Variants in EEFSEC observed in about 807,000 individuals in gnomAD.
EEFSEC encodes eukaryotic elongation factor, selenocysteine-tRNA specific.
In EEFSEC, 43 loss-of-function variants were observed where a neutral mutation model predicts 42.1. The observed-to-expected ratio is 1.02, with a 90% CI of 0.80 to 1.32. EEFSEC has a LOEUF of 1.32. Ranked by LOEUF, EEFSEC falls within the 40% of genes most tolerant of loss-of-function variation. The pLI is 0.00. For synonymous variants in EEFSEC, 354 were observed against 339.1 expected, an observed-to-expected ratio of 1.04 and a Z score of -0.48; for missense variants, 745 against 803.6, an observed-to-expected ratio of 0.93 and a Z score of 0.88.
At chr3:128,336,527 G>T (rs2108067523) in intron 4 of EEFSEC, among the ~76,000 whole-genome samples, 1 of 152,212 alleles carries the variant, frequency 6.6e-6, no homozygotes, top group East Asian at 1.9e-4. Flanking sequence ...TGCCTCCCTG[G>T]ACCACCGCAC....
At chr3:128,356,707 G>A (rs1338596959) in intron 5 of EEFSEC, among the ~76,000 whole-genome samples, 1 of 152,176 alleles carries the variant, frequency 6.6e-6, no homozygotes, top group East Asian at 1.9e-4. Context: ...TTTCCTGGAG[G>A]CATCAGTTTC....
chr3:128,355,667 A>G (rs1273272976), intron 5 of EEFSEC, among the ~76,000 whole-genome samples: 2 of 151,910 alleles, frequency 1.3e-5, no homozygotes, highest in Non-Finnish European at 2.9e-5. Context: ...TGTACCAACA[A>G]CTACAACCAT....
intron 4 of EEFSEC, among the ~76,000 whole-genome samples, chr3:128,339,383 A>T (rs2067225468): frequency 6.6e-6 from 1 of 152,194 alleles, no homozygotes; most frequent in Non-Finnish European, 1.5e-5. Context: ...CTTGCAACCT[A>T]AGTGTCAAAA....
chr3:128,358,670 G>A (rs1393768148), intron 6 of EEFSEC, among the ~76,000 whole-genome samples: 1 of 152,230 alleles, frequency 6.6e-6, no homozygotes, highest in Admixed American at 6.5e-5. Flanking sequence ...TGGTTTCTCT[G>A]TGGAGGCGGG....
intron 4 of EEFSEC, among the ~76,000 whole-genome samples, chr3:128,321,616 C>T (rs992480664): frequency 2.9e-4 from 44 of 152,250 alleles, no homozygotes; most frequent in African/African-American, 9.9e-4. Context: ...TCACTATGGG[C>T]GCCCGCCTGT....
chr3:128,206,715 T>C (rs1025303351), intron 1 of EEFSEC, among the ~76,000 whole-genome samples: 2 of 152,216 alleles, frequency 1.3e-5, no homozygotes, highest in Non-Finnish European at 2.9e-5. Context: ...GCTCAACATA[T>C]TATTTCGATC....
chr3:128,408,163 CGCCGAGCGGAGCGA>C lies in EEFSEC; in HGVS notation c.1699_1712del (p.Glu567LeufsTer30). 1 of 1,612,766 alleles carries C rather than the reference CGCCGAGCGGAGCGA, an allele frequency of 6.2e-7. No homozygotes were observed. The highest frequency in any genetic ancestry group is 8.5e-7 in the Non-Finnish European group (1 of 1,179,414). On this transcript the variant is annotated frameshift_variant, in exon 7 of 7. Coordinates refer to ENST00000254730, the MANE Select transcript of EEFSEC (RefSeq NM_021937.5). LOFTEE classifies it high-confidence loss of function. ...GGGAGGCCACCAGGCAGGAGGAGAG[CGCCGAGCGGAGCGA>C]GCCCTCACAGCATGTGGTGCTCAGC...
chr3:128,314,697 T>C (rs530547570), intron 4 of EEFSEC, among the ~76,000 whole-genome samples: 56 of 152,296 alleles, frequency 3.7e-4, no homozygotes, highest in African/African-American at 1.3e-3. Flanking sequence ...TCCTGGGCAT[T>C]GTAGGATGTT....
chr3:128,410,659 G>A (rs1371105178), downstream of EEFSEC, among the ~76,000 whole-genome samples: 1 of 152,174 alleles, frequency 6.6e-6, no homozygotes, highest in Non-Finnish European at 1.5e-5. Context: ...AGCCATGCCA[G>A]AGGGCTGCCC....
intron 5 of EEFSEC, among the ~76,000 whole-genome samples, chr3:128,347,419 A>C (rs955410299): frequency 2.0e-5 from 3 of 152,204 alleles, no homozygotes; most frequent in Non-Finnish European, 4.4e-5. Flanking sequence ...GATAAGGGAA[A>C]TAGTTGGTAT....
At chr3:128,169,617 G>A (rs1380648285) in intron 1 of EEFSEC, among the ~76,000 whole-genome samples, 5 of 152,118 alleles carry the variant, frequency 3.3e-5, no homozygotes, top group Admixed American at 6.5e-5. Flanking sequence ...TGGAATCAGC[G>A]TTGGCAGGCA....
intron 1 of EEFSEC, among the ~76,000 whole-genome samples, chr3:128,157,416 G>T (rs1056990204): frequency 6.6e-6 from 1 of 152,184 alleles, no homozygotes; most frequent in African/African-American, 2.4e-5. Flanking sequence ...CACTGTAGAT[G>T]GAACAGCCTT....
chr3:128,168,213 G>A (rs1360520985), intron 1 of EEFSEC, among the ~76,000 whole-genome samples: 1 of 152,198 alleles, frequency 6.6e-6, no homozygotes, highest in Admixed American at 6.5e-5. Context: ...AATAGTCTGT[G>A]AGGGTGAAGG....
intron 2 of EEFSEC, among the ~76,000 whole-genome samples, chr3:128,259,478 GA>G (rs2066276130): frequency 6.6e-6 from 1 of 152,152 alleles, no homozygotes; most frequent in African/African-American, 2.4e-5. Context: ...TGTGGTAGTG[GA>G]AAAGGTAGCA....
chr3:128,385,704 G>A (rs2067830572), intron 6 of EEFSEC, among the ~76,000 whole-genome samples: 1 of 152,238 alleles, frequency 6.6e-6, no homozygotes, highest in Non-Finnish European at 1.5e-5. Context: ...CTTGGAGAGT[G>A]CAAGGGCCTC....
Position 128,153,640 on chromosome 3 carries a change from C to T in EEFSEC, c.133C>T (p.Arg45Cys), listed in dbSNP as rs756976693. ...AFDKQPQSRE[R>C]GITLDLGFSC... is the part of the protein sequence containing the mutation. The stretch of plus-strand genomic sequence containing the variant: ...TGACAAGCAGCCGCAGAGCCGCGAG[C>T]GCGGCATCACGCTCGATCTGGGCTT... Residue 45 changes from arginine (R) to cysteine (C), a missense_variant, in exon 1 of 7, where the codon CGC (arginine) becomes TGC (cysteine). Arg to Cys is a radical substitution (Grantham distance 180, BLOSUM62 -3). Coordinates refer to ENST00000254730, the MANE Select transcript of EEFSEC (RefSeq NM_021937.5). 2.5e-6 allele frequency: 4 copies of T among 1,598,058 alleles called. No homozygotes were observed. Among genetic ancestry groups the T allele is most frequent in the East Asian group, 2.3e-5 (1 of 44,398 alleles).
At chr3:128,166,415 G>A (rs934801514) in intron 1 of EEFSEC, among the ~76,000 whole-genome samples, 16 of 152,198 alleles carry the variant, frequency 1.1e-4, no homozygotes, top group Non-Finnish European at 1.9e-4. Context: ...ACTGTGGCTA[G>A]TGTAACTAAA....
At position 128,287,690 on chromosome 3, in the gene EEFSEC, G is replaced by A. The variant is rs143234069; in HGVS notation, c.786+22909G>A. Among the ~76,000 whole-genome samples the A allele has an allele frequency of 1.5e-3, 233 of 152,256 alleles. 1 individual carries two copies. The highest frequency in any genetic ancestry group is 5.2e-3 in the African/African-American group (216 of 41,566). ...CCGGTAAGAATAGGGTTCCCCTTGGGTTACCATCAGTTGGGGATGCAATAA... is the reference window on the plus strand; with the variant it reads ...CCGGTAAGAATAGGGTTCCCCTTGGATTACCATCAGTTGGGGATGCAATAA... On this transcript the variant is annotated intron_variant, in intron 4 of 6. Coordinates refer to ENST00000254730, the MANE Select transcript of EEFSEC (RefSeq NM_021937.5).
intron 6 of EEFSEC, among the ~76,000 whole-genome samples, chr3:128,397,305 G>A (rs2067992973): frequency 6.6e-6 from 1 of 152,238 alleles, no homozygotes; most frequent in Middle Eastern, 3.2e-3. Context: ...AGGGTGGACA[G>A]CTTTGTGAAG....
Sources: allele counts gnomAD v4.1 joint callset (sites outside exome capture counted in the v4.1 genomes callset), GRCh38; gene constraint gnomAD v4.1.1; transcripts MANE v1.5; gene names NCBI Gene and HGNC (gene_info 2026-07-23, HGNC 2026-07-21).